Variants in TMEM45A observed in about 807,000 individuals in gnomAD.
TMEM45A encodes the protein transmembrane protein 45A, also known as DNA polymerase-transactivated protein 4.
A neutral mutation model predicts 32.0 loss-of-function variants in TMEM45A; 25 were observed. The ratio of observed to expected loss-of-function variants is 0.78; its 90% CI spans 0.57 to 1.09. TMEM45A has a LOEUF of 1.09. TMEM45A is among the 50% of genes least tolerant of loss of function. The pLI is 0.00. For synonymous variants in TMEM45A, 122 were observed against 114.8 expected, an observed-to-expected ratio of 1.06 and a Z score of -0.40; for missense variants, 302 against 325.0, an observed-to-expected ratio of 0.93 and a Z score of 0.54.
intron 1 of TMEM45A, among the ~76,000 whole-genome samples, chr3:100,528,423 A>AT (rs1705587922): frequency 6.6e-6 from 1 of 152,164 alleles, no homozygotes; most frequent in African/African-American, 2.4e-5. Flanking sequence ...ATGAATTTGT[A>AT]TACCTGACCT....
intron 2 of TMEM45A, 68 bp from the exon 3 acceptor site, chr3:100,556,692 G>C: frequency 7.2e-7 from 1 of 1,393,068 alleles, no homozygotes; most frequent in Non-Finnish European, 1.0e-6. Flanking sequence ...CAATGGACTA[G>C]TCCTCCTGCA....
At chr3:100,526,586 A>G (rs1705549927) in intron 1 of TMEM45A, among the ~76,000 whole-genome samples, 1 of 152,234 alleles carries the variant, frequency 6.6e-6, no homozygotes, top group African/African-American at 2.4e-5. Flanking sequence ...CCATGAGGCT[A>G]AAAGTAATTT....
intron 1 of TMEM45A, among the ~76,000 whole-genome samples, chr3:100,525,259 A>G (rs1705520018): frequency 6.6e-6 from 1 of 152,208 alleles, no homozygotes; most frequent in Admixed American, 6.5e-5. Context: ...TATTGAGCAC[A>G]TATTTAAATG....
intron 4 of TMEM45A, among the ~76,000 whole-genome samples, chr3:100,564,589 T>A (rs1706391780): frequency 6.6e-6 from 1 of 152,054 alleles, no homozygotes; most frequent in Admixed American, 6.5e-5. Context: ...GTTCAAGCGA[T>A]TCTCCTGCCT....
intron 1 of TMEM45A, among the ~76,000 whole-genome samples, chr3:100,520,136 A>C (rs1479053454): frequency 1.3e-5 from 2 of 152,208 alleles, no homozygotes; most frequent in Non-Finnish European, 2.9e-5. Context: ...TAAACAAAAT[A>C]AGTCAGTAAT....
At chr3:100,536,154 C>T (rs189992478) in intron 1 of TMEM45A, among the ~76,000 whole-genome samples, 3 of 152,160 alleles carry the variant, frequency 2.0e-5, no homozygotes, top group Non-Finnish European at 2.9e-5. Context: ...GCACAGAACC[C>T]CTCACCCTGC....
At chr3:100,572,736 C>CT (rs1327538275) in intron 5 of TMEM45A, 1 of 151,630 alleles carries the variant, frequency 6.6e-6, no homozygotes, top group Non-Finnish European at 1.5e-5. Context: ...GGTTTTAGGT[C>CT]TAACATGTAA....
At chr3:100,572,775 G>C (rs1226294074) in intron 5 of TMEM45A, 4 of 150,388 alleles carry the variant, frequency 2.7e-5, no homozygotes, top group Non-Finnish European at 6.0e-5. Context: ...ATTAATTTTT[G>C]TATAAGGTGT....
At chr3:100,506,382 CA>C (rs1210162728) in intron 1 of TMEM45A, among the ~76,000 whole-genome samples, 7 of 152,040 alleles carry the variant, frequency 4.6e-5, no homozygotes, top group African/African-American at 1.5e-4. Context: ...CGGTGCCAAA[CA>C]AGGTAAAATT....
At chr3:100,529,675 G>A (rs1202019338) in intron 1 of TMEM45A, among the ~76,000 whole-genome samples, 1 of 152,166 alleles carries the variant, frequency 6.6e-6, no homozygotes, top group East Asian at 1.9e-4. Flanking sequence ...AGGATGGAGT[G>A]CAGTGGAGTG....
intron 4 of TMEM45A, among the ~76,000 whole-genome samples, chr3:100,565,851 GCCC>G (rs1254579118): frequency 6.6e-6 from 1 of 152,004 alleles, no homozygotes; most frequent in Non-Finnish European, 1.5e-5. Flanking sequence ...ACAATGTTGT[GCCC>G]CCATCAGCTC....
intron 1 of TMEM45A, among the ~76,000 whole-genome samples, chr3:100,544,625 T>A (rs540591676): frequency 6.6e-6 from 1 of 152,340 alleles, no homozygotes; most frequent in South Asian, 2.1e-4. Flanking sequence ...AAGTACCCTT[T>A]AGTGTCTGTT....
chr3:100,514,929 A>G (rs1708234960), intron 1 of TMEM45A, among the ~76,000 whole-genome samples: 1 of 149,620 alleles, frequency 6.7e-6, no homozygotes, highest in South Asian at 2.1e-4. Context: ...ACAATGAGAT[A>G]CCATCTCACA....
At chr3:100,519,798 T>A (rs973154131) in intron 1 of TMEM45A, among the ~76,000 whole-genome samples, 8 of 152,234 alleles carry the variant, frequency 5.3e-5, no homozygotes, top group African/African-American at 1.9e-4. Flanking sequence ...TCTGTAGAAA[T>A]TTTATTTCAT....
At chr3:100,500,977 T>C (rs1334524936) in intron 1 of TMEM45A, among the ~76,000 whole-genome samples, 5 of 152,210 alleles carry the variant, frequency 3.3e-5, no homozygotes, top group Admixed American at 3.3e-4. Flanking sequence ...AATTGATGTT[T>C]AGAAAGGTAA....
intron 5 of TMEM45A, chr3:100,573,356 T>A (rs1388939912): frequency 6.6e-6 from 1 of 152,142 alleles, no homozygotes; most frequent in Non-Finnish European, 1.5e-5. Context: ...TTATTCTCTT[T>A]GAAGCAATTG....
chr3:100,517,726 A>G (rs1188335920), intron 1 of TMEM45A, among the ~76,000 whole-genome samples: 2 of 152,256 alleles, frequency 1.3e-5, no homozygotes, highest in African/African-American at 4.8e-5. Flanking sequence ...TAAAAAAGTG[A>G]GGATAAATGT....
chr3:100,510,769 A>C (rs1442725529), intron 1 of TMEM45A, among the ~76,000 whole-genome samples: 2 of 152,258 alleles, frequency 1.3e-5, no homozygotes, highest in Non-Finnish European at 1.5e-5. Flanking sequence ...AATACAGAGA[A>C]GTGCTTAAAG....
rs1707864096 is a variant in TMEM45A at position 100,492,755 on chromosome 3, T to TTCCCCCCCCCC, written c.-177_-176insTCCCCCCCCCC. The TTCCCCCCCCCC allele has an allele frequency of 7.0e-6, 1 of 143,526 alleles. No homozygotes were observed. Among genetic ancestry groups the TTCCCCCCCCCC allele is most frequent in the African/African-American group, 2.7e-5 (1 of 36,840 alleles). The allele number at this position is 143,526 out of a possible 1,614,324, so 8.9% of individuals were successfully genotyped here. A position where few individuals can be genotyped will look rare whatever the true frequency, so the allele number is the denominator to read the frequency against. ...CGACTAGGGACCCAAGTTTAAAAAT[T>TTCCCCCCCCCC]CCTCCCCCCACCCAATGCGAGACGT... On this transcript the variant is annotated 5_prime_UTR_variant, in exon 1 of 6. Transcript: ENST00000323523.
Sources: allele counts gnomAD v4.1 joint callset (sites outside exome capture counted in the v4.1 genomes callset), GRCh38; gene constraint gnomAD v4.1.1; transcripts MANE v1.5; gene names NCBI Gene and HGNC (gene_info 2026-07-23, HGNC 2026-07-21).